Variants in ZRSR2 observed in about 807,000 individuals in gnomAD.
ZRSR2 encodes U2 small nuclear ribonucleoprotein auxiliary factor 35 kDa subunit-related protein 2.
A neutral mutation model predicts 39.4 loss-of-function variants in ZRSR2; 3 were observed. That is an observed-to-expected ratio of 0.08 (90% CI 0.03 to 0.20). The LOEUF is 0.20. ZRSR2 is among the 10% of genes least tolerant of loss of function. The pLI is 1.00. For synonymous variants in ZRSR2, 137 were observed against 136.0 expected (o/e 1.01, Z -0.05); for missense variants, 256 against 391.5 (o/e 0.65, Z 2.92).
At chrX:15,806,423 C>G (rs937191517) in intron 5 of ZRSR2, among the ~76,000 whole-genome samples, 38 of 111,077 alleles carry the variant, frequency 3.4e-4, no homozygotes, top group African/African-American at 1.0e-3. Context: ...ACAGATCATT[C>G]ATTTAAAAAA....
At chrX:15,798,982 T>C (rs1932571326) in intron 2 of ZRSR2, among the ~76,000 whole-genome samples, 1 of 110,822 alleles carries the variant, frequency 9.0e-6, no homozygotes, top group Non-Finnish European at 1.9e-5. Flanking sequence ...GGTCAGGAGA[T>C]TGAGACCATC....
chrX:15,823,219 G>A lies in ZRSR2; in HGVS notation c.1426G>A (p.Val476Ile), dbSNP rs367855979. Residue 476 changes from valine (V) to isoleucine (I), a missense_variant, in exon 11 of 11, where the codon GTT becomes ATT. Around this residue, in one of 3 missense-constraint regions of ZRSR2, gnomAD observed 111 missense variants for 116.7 expected, o/e 0.95. Coordinates refer to ENST00000307771, the MANE Select transcript of ZRSR2 (RefSeq NM_005089.4). ...GAGGTCGGGTAATAGAGACAGAACT[G>A]TTCAGAGTCCCAAATCCAAATAAAC... is the stretch of plus-strand genomic sequence containing the variant. Reference protein sequence around the residue: ...RRRSGNRDRTVQSPKSK With the variant: ...RRRSGNRDRTIQSPKSK 10 of 1,158,800 alleles carry A rather than the reference G, an allele frequency of 8.6e-6. No homozygotes were observed. Among genetic ancestry groups the A allele is most frequent in the African/African-American group, 3.6e-5 (2 of 54,892 alleles).
rs1468677431 is a variant in ZRSR2 at position 15,823,134 on chromosome X, C to G, written c.1341C>G (p.Ser447Arg). 3.3e-6 allele frequency: 4 copies of G among 1,205,702 alleles called. No homozygotes were observed. Among genetic ancestry groups the G allele is most frequent in the East Asian group, 3.0e-5 (1 of 33,705 alleles). ...GCCGGAGCCGGAGCCGGAGCCGGAGCCGCAGGAGCCGCCGCAGCCGGAGCC... is the reference window on the plus strand; with the variant it reads ...GCCGGAGCCGGAGCCGGAGCCGGAGGCGCAGGAGCCGCCGCAGCCGGAGCC... ...RGSRSRSRSR[S>R]RRSRRSRSQS... is the part of the protein sequence containing the mutation. The change falls in exon 11 of 11, where the codon AGC becomes AGG. Residue 447 changes from serine (S) to arginine (R), a missense_variant. Transcript: ENST00000307771.
chrX:15,807,755 A>G (rs1932818963), intron 5 of ZRSR2, among the ~76,000 whole-genome samples: 1 of 110,462 alleles, frequency 9.1e-6, no homozygotes, highest in Non-Finnish European at 1.9e-5. Context: ...CGTCTCAGCT[A>G]TGGGCCGGGC....
At chrX:15,809,339 A>G (rs1167711162) in intron 7 of ZRSR2, 21 bp downstream of exon 7, 7 of 1,086,952 alleles carry the variant, frequency 6.4e-6, no homozygotes, top group South Asian at 3.8e-5. Context: ...TTGTTTTATC[A>G]TGTCAGAATG....
At chrX:15,795,907 G>C (rs1932437757) in intron 2 of ZRSR2, among the ~76,000 whole-genome samples, 1 of 112,201 alleles carries the variant, frequency 8.9e-6, no homozygotes, top group Non-Finnish European at 1.9e-5. Flanking sequence ...TGGATCACGA[G>C]GTCGGGACTT....
At chrX:15,805,877 C>T (rs1161862624) in intron 5 of ZRSR2, among the ~76,000 whole-genome samples, 3 of 104,524 alleles carry the variant, frequency 2.9e-5, no homozygotes, top group Non-Finnish European at 5.8e-5. Flanking sequence ...TTTCAGTGAG[C>T]CAAGCTTGAG....
At position 15,815,695 on chromosome X, in the gene ZRSR2, T is replaced by G; in HGVS notation, c.576T>G (p.Asn192Lys). 8.3e-7 allele frequency: 1 copy of G among 1,203,937 alleles called. No homozygotes were observed. Among genetic ancestry groups the G allele is most frequent in the Non-Finnish European group, 1.1e-6 (1 of 890,478 alleles). The change falls in exon 8 of 11, where the codon AAT (asparagine) becomes AAG (lysine). Residue 192 changes from asparagine to lysine, a missense_variant. Physicochemically the swap from Asn to Lys is moderately conservative, Grantham distance 94 (BLOSUM62 0). Coordinates refer to ENST00000307771, the MANE Select transcript of ZRSR2 (RefSeq NM_005089.4). ...TACGCAGATGTTCACGTAAACATAA[T>G]TTCCCAACATCCAGTCCTACCCTTC... is the stretch of plus-strand genomic sequence containing the variant. ...RFGDRCSRKH[N>K]FPTSSPTLLI...
At chrX:15,802,750 G>A (rs1033130430) in intron 3 of ZRSR2, among the ~76,000 whole-genome samples, 34 of 111,204 alleles carry the variant, frequency 3.1e-4, no homozygotes, top group African/African-American at 1.0e-3. Context: ...GAGCCATTGC[G>A]CCCGGCCCTC....
chrX:15,820,342 T>C (rs1569073647), intron 10 of ZRSR2, 26 bp downstream of exon 10: 4 of 1,156,928 alleles, frequency 3.5e-6, no homozygotes, highest in East Asian at 3.0e-5. Flanking sequence ...ATGATTTTTT[T>C]CCTCAATTGT....
At chrX:15,800,220 C>T (rs1932626911) in intron 3 of ZRSR2, among the ~76,000 whole-genome samples, 2 of 90,026 alleles carry the variant, frequency 2.2e-5, no homozygotes, top group Non-Finnish European at 4.2e-5. Context: ...CGGAGTCTCG[C>T]TCTGTTGCCA....
At chrX:15,819,389 C>T (rs1196701524) in intron 9 of ZRSR2, among the ~76,000 whole-genome samples, 1 of 109,762 alleles carries the variant, frequency 9.1e-6, no homozygotes, top group Non-Finnish European at 1.9e-5. Context: ...AGGAGAATCG[C>T]TTCAAGAGAG....
intron 7 of ZRSR2, among the ~76,000 whole-genome samples, chrX:15,810,067 C>T (rs1932855982): frequency 1.8e-5 from 2 of 111,331 alleles, no homozygotes; most frequent in Admixed American, 1.9e-4. Context: ...GCTGTGAGGC[C>T]GAAATGAGCA....
chrX:15,809,904 G>C (rs1000962714), intron 7 of ZRSR2, among the ~76,000 whole-genome samples: 4 of 112,291 alleles, frequency 3.6e-5, no homozygotes, highest in Non-Finnish European at 7.5e-5. Flanking sequence ...TTTAATTTCT[G>C]TTGTCAGTGA....
At chrX:15,820,874 G>T (rs1341416177) in intron 10 of ZRSR2, among the ~76,000 whole-genome samples, 1 of 111,769 alleles carries the variant, frequency 8.9e-6, no homozygotes, top group Non-Finnish European at 1.9e-5. Flanking sequence ...ACTGACATCG[G>T]ACAGTGGCAA....
chrX:15,801,305 C>A, intron 3 of ZRSR2: 1 of 238,725 alleles, frequency 4.2e-6, no homozygotes, highest in Non-Finnish European at 8.3e-6. Flanking sequence ...CTCCGCTCAC[C>A]GCAACCTCCA....
intron 8 of ZRSR2, among the ~76,000 whole-genome samples, chrX:15,818,230 G>A (rs1366102323): frequency 1.8e-5 from 2 of 112,320 alleles, no homozygotes; most frequent in African/African-American, 6.5e-5. Context: ...GGGATAGAAG[G>A]GCTTCAACTG....
rs201705841 is a variant in ZRSR2 at position 15,808,252 on chromosome X, T to C, written c.419T>C (p.Leu140Pro). 1 of 1,204,560 alleles carries C rather than the reference T, an allele frequency of 8.3e-7. No individual in the cohort carries two copies. Among genetic ancestry groups the C allele is most frequent in the Non-Finnish European group, 1.1e-6 (1 of 892,715 alleles). ...KEKEEALQKMLDQAENELENG... is the reference protein window; with the variant it reads ...KEKEEALQKMPDQAENELENG... ...TTTTAGGAAGCTTTGCAGAAGATGC[T>C]GGATCAGGCTGAAAATGAGGTATTT... is the stretch of plus-strand genomic sequence containing the variant. The change falls in exon 6 of 11, where the codon CTG becomes CCG. Residue 140 changes from leucine (L) to proline (P), a missense_variant. Physicochemically the swap from Leu to Pro is moderately conservative, Grantham distance 98. This residue lies in a region of ZRSR2 where 87 missense variants were observed against 111.7 expected (regional missense o/e 0.78). Transcript: ENST00000307771.
At chrX:15,816,081 A>T (rs189852847) in intron 8 of ZRSR2, among the ~76,000 whole-genome samples, 191 bp downstream of exon 8, 1 of 112,026 alleles carries the variant, frequency 8.9e-6, no homozygotes, top group East Asian at 2.8e-4. Context: ...AATCATAAAC[A>T]TATATTAGCA....
Sources: allele counts gnomAD v4.1 joint callset (sites outside exome capture counted in the v4.1 genomes callset), GRCh38; gene constraint gnomAD v4.1.1; regional missense constraint gnomAD v4.1.1; transcripts MANE v1.5; gene names NCBI Gene and HGNC (gene_info 2026-07-23, HGNC 2026-07-21).